KIAA1217: variants seen among roughly 807,000 people sequenced by gnomAD.
The protein encoded by KIAA1217 is KIAA1217, also known as sickle tail protein homolog.
Under a neutral mutation model 163.9 loss-of-function variants are expected in KIAA1217, and 88 were observed. That is an observed-to-expected ratio of 0.54 (90% CI 0.45 to 0.64). The LOEUF is 0.64. KIAA1217 is among the 30% of genes least tolerant of loss of function. The pLI is 0.00. For missense variants in KIAA1217, 2,372 were observed against 2,475.0 expected, an observed-to-expected ratio of 0.96 and a Z score of 0.88; for synonymous variants, 903 against 923.1, an observed-to-expected ratio of 0.98 and a Z score of 0.39.
At chr10:24,517,646 T>A (rs12571377) in intron 10 of KIAA1217, among the ~76,000 whole-genome samples, 15,080 of 152,230 alleles carry the variant, frequency 0.099, 1,035 homozygotes, top group East Asian at 0.13. Flanking sequence ...GCATGTTAGG[T>A]TGAATTACTG....
chr10:24,349,152 A>AG (rs201579566), intron 2 of KIAA1217, among the ~76,000 whole-genome samples: 212 of 145,146 alleles, frequency 1.5e-3, no homozygotes, highest in Admixed American at 2.4e-3. Context: ...AAAAAAAAAA[A>AG]AGAGAGATTG....
intron 6 of KIAA1217, among the ~76,000 whole-genome samples, chr10:24,492,870 C>T (rs1449333210): frequency 6.7e-6 from 1 of 149,922 alleles, no homozygotes; most frequent in Non-Finnish European, 1.5e-5. Context: ...TTTTTTGAGA[C>T]AGTCTTGCAC....
chr10:23,803,452 C>T (rs1476769361), intron 1 of KIAA1217, among the ~76,000 whole-genome samples: 1 of 152,320 alleles, frequency 6.6e-6, no homozygotes, highest in East Asian at 1.9e-4. Flanking sequence ...CAATCTGGGA[C>T]ATCTCTGAAA....
At chr10:23,743,733 C>T (rs1301154923) in intron 1 of KIAA1217, among the ~76,000 whole-genome samples, 1 of 152,072 alleles carries the variant, frequency 6.6e-6, no homozygotes, top group African/African-American at 2.4e-5. Flanking sequence ...CTTTTATTTG[C>T]AAATTGCATT....
chr10:23,957,957 A>T (rs1369834235), intron 1 of KIAA1217, among the ~76,000 whole-genome samples: 1 of 152,254 alleles, frequency 6.6e-6, no homozygotes, highest in African/African-American at 2.4e-5. Context: ...AAGAGTTGCT[A>T]AATATTTCCT....
intron 2 of KIAA1217, among the ~76,000 whole-genome samples, chr10:24,375,137 C>T (rs972618672): frequency 9.9e-5 from 15 of 152,128 alleles, no homozygotes; most frequent in African/African-American, 3.6e-4. Context: ...CAGGACTCAC[C>T]AGAGAATGGC....
At chr10:24,239,218 A>AG (rs1349304284) in intron 2 of KIAA1217, 2 of 985,170 alleles carry the variant, frequency 2.0e-6, no homozygotes, top group East Asian at 1.1e-4. Context: ...CCAGACATGG[A>AG]GGGGGGTTTT....
chr10:24,299,551 A>C (rs1307984271), intron 2 of KIAA1217, among the ~76,000 whole-genome samples: 2 of 152,128 alleles, frequency 1.3e-5, no homozygotes, highest in Non-Finnish European at 1.5e-5. Context: ...GGTGTGCACC[A>C]CCACGCCTGG....
intron 1 of KIAA1217, among the ~76,000 whole-genome samples, chr10:23,882,381 C>T (rs752892879): frequency 6.6e-6 from 1 of 151,858 alleles, no homozygotes; most frequent in Non-Finnish European, 1.5e-5. Flanking sequence ...ACTGCATAGA[C>T]ACTTTCTAAA....
intron 2 of KIAA1217, among the ~76,000 whole-genome samples, chr10:24,102,181 C>A (rs2062443133): frequency 6.6e-6 from 1 of 152,052 alleles, no homozygotes; most frequent in Non-Finnish European, 1.5e-5. Flanking sequence ...AATGAAGAAG[C>A]AATTATAGCA....
At chr10:23,732,777 T>C (rs1371090911) in intron 1 of KIAA1217, among the ~76,000 whole-genome samples, 1 of 152,212 alleles carries the variant, frequency 6.6e-6, no homozygotes. Context: ...TTCAGTGCTA[T>C]AAAGTTTTCT....
chr10:23,851,619 AG>A (rs1461472650), intron 1 of KIAA1217, among the ~76,000 whole-genome samples: 1 of 152,138 alleles, frequency 6.6e-6, no homozygotes, highest in Admixed American at 6.5e-5. Context: ...ACTAGTTTAC[AG>A]TCCCACCAAC....
chr10:24,110,932 A>G (rs1258185728), intron 2 of KIAA1217, among the ~76,000 whole-genome samples: 1 of 152,194 alleles, frequency 6.6e-6, no homozygotes, highest in Non-Finnish European at 1.5e-5. Context: ...GTTACGACAT[A>G]TTTTTAGTAA....
In KIAA1217 at chr10:24,544,360, G is replaced by A. The variant is rs1421492539; in HGVS notation, c.5090G>A (p.Arg1697Lys). Reference sequence around the variant, plus strand: ...GTTGATACCTCATGTTCTTCCAACAGAGATTCTGTTGCAAGTTCATCCCAC... The same window carrying A: ...GTTGATACCTCATGTTCTTCCAACAAAGATTCTGTTGCAAGTTCATCCCAC... The part of the protein sequence containing the change: ...ALVDTSCSSN[R>K]DSVASSSHIA... Residue 1697 changes from arginine (R) to lysine (K), a missense_variant, in exon 19 of 21, where the codon AGA becomes AAA. Around this residue, in one of 3 missense-constraint regions of KIAA1217, gnomAD observed 690 missense variants for 677.5 expected, o/e 1.02. Coordinates refer to ENST00000376454, the MANE Select transcript of KIAA1217 (RefSeq NM_019590.5). The A allele has an allele frequency of 2.5e-6, 4 of 1,614,108 alleles. No individual in the cohort carries two copies. Among genetic ancestry groups the A allele is most frequent in the East Asian group, 2.2e-5 (1 of 44,886 alleles).
At chr10:24,374,343 A>G (rs2052148316) in intron 2 of KIAA1217, among the ~76,000 whole-genome samples, 1 of 152,232 alleles carries the variant, frequency 6.6e-6, no homozygotes, top group Non-Finnish European at 1.5e-5. Flanking sequence ...CCTGGCAAGT[A>G]TCCACAAACT....
intron 2 of KIAA1217, among the ~76,000 whole-genome samples, chr10:24,378,978 C>CT (rs1190458787): frequency 6.6e-6 from 1 of 152,144 alleles, no homozygotes; most frequent in East Asian, 1.9e-4. Context: ...GGATTATTAC[C>CT]TTCTGCAATG....
chr10:24,104,226 A>T (rs1234698506), intron 2 of KIAA1217, among the ~76,000 whole-genome samples: 1 of 152,210 alleles, frequency 6.6e-6, no homozygotes, highest in Non-Finnish European at 1.5e-5. Flanking sequence ...TTGTTTATAG[A>T]AGTTTTATTC....
At chr10:24,158,614 G>A (rs2064984034) in intron 2 of KIAA1217, 7 of 507,838 alleles carry the variant, frequency 1.4e-5, no homozygotes, top group South Asian at 3.0e-5. Flanking sequence ...TCCATCTTTC[G>A]CCTTTACACC....
At chr10:23,972,569 A>C (rs1394527362) in intron 1 of KIAA1217, among the ~76,000 whole-genome samples, 1 of 151,976 alleles carries the variant, frequency 6.6e-6, no homozygotes, top group Non-Finnish European at 1.5e-5. Context: ...GATATATGTA[A>C]ATTTTATTAT....
Sources: allele counts gnomAD v4.1 joint callset (sites outside exome capture counted in the v4.1 genomes callset), GRCh38; gene constraint gnomAD v4.1.1; regional missense constraint gnomAD v4.1.1; transcripts MANE v1.5; gene names NCBI Gene and HGNC (gene_info 2026-07-23, HGNC 2026-07-21).